The following CCDC181 variants were observed in gnomAD, a reference collection of about 807,000 sequenced individuals.
The protein encoded by CCDC181 is coiled-coil domain containing 181.
In CCDC181, 35 loss-of-function variants were observed where a neutral mutation model predicts 58.7. The observed-to-expected ratio is 0.60, with a 90% confidence interval of 0.46 to 0.79. The LOEUF (loss-of-function observed/expected upper bound fraction) is 0.79, where lower values mean the gene tolerates loss of function less well. CCDC181 is among the 30% of genes least tolerant of loss of function. CCDC181 has a pLI of 0.00. For synonymous variants in CCDC181, 183 were observed against 197.5 expected (o/e 0.93, Z 0.62); for missense variants, 517 against 583.9 (o/e 0.89, Z 1.18).
intron 2 of CCDC181, among the ~76,000 whole-genome samples, chr1:169,455,403 C>T (rs1657655264): frequency 6.6e-6 from 1 of 151,822 alleles, no homozygotes; most frequent in Non-Finnish European, 1.5e-5. Context: ...TATATCAGGC[C>T]CTAGTAATTT....
At position 169,424,883 on chromosome 1, in the gene CCDC181, G is replaced by A. The variant is rs199771563; in HGVS notation, c.45C>T (p.Tyr15=). 1.2e-4 allele frequency: 196 copies of A among 1,604,850 alleles called. 1 individual carries two copies. The East Asian group carries it at 2.1e-3, about 17-fold the overall frequency. ...KDTDSKKSEE[Y]EDDFEKDLEW... ...CCAGGTCCTTTTCAAAGTCATCTTC[G>A]TATTCTTCACTTTTCTTTGAATCAG... is the stretch of plus-strand genomic sequence containing the variant. The change falls in exon 2 of 6, where the codon TAC becomes TAT. Residue 15 remains tyrosine, a synonymous_variant. Coordinates refer to ENST00000367806, the MANE Select transcript of CCDC181 (RefSeq NM_001300969.2).
chr1:169,400,529 A>C (rs577441194), intron 4 of CCDC181, among the ~76,000 whole-genome samples: 30 of 152,306 alleles, frequency 2.0e-4, no homozygotes, highest in African/African-American at 7.2e-4. Context: ...ATCGATCCTA[A>C]GATGACATAG....
chr1:169,458,169 A>AT (rs1397141241), intron 2 of CCDC181, among the ~76,000 whole-genome samples: 377 of 109,620 alleles, frequency 3.4e-3, no homozygotes, highest in Middle Eastern at 9.6e-3. Flanking sequence ...GGCAAAAGTA[A>AT]TTTTTGTTTT....
At chr1:169,407,190 T>G (rs1365793184) in intron 4 of CCDC181, among the ~76,000 whole-genome samples, 1 of 151,942 alleles carries the variant, frequency 6.6e-6, no homozygotes, top group Admixed American at 6.6e-5. Flanking sequence ...ATCACACATG[T>G]AATACACTTC....
intron 2 of CCDC181, among the ~76,000 whole-genome samples, chr1:169,456,426 TATTA>T (rs67415566): frequency 0.42 from 64,112 of 151,512 alleles, 14,727 homozygotes; most frequent in Non-Finnish European, 0.53. Context: ...AAATAATCAT[TATTA>T]ATTAGTAAAG....
At chr1:169,423,553 A>G (rs907013452) in intron 2 of CCDC181, among the ~76,000 whole-genome samples, 1 of 151,992 alleles carries the variant, frequency 6.6e-6, no homozygotes, top group Non-Finnish European at 1.5e-5. Flanking sequence ...TGTTATAATC[A>G]TCCGCTGGAA....
At chr1:169,412,463 T>G (rs965245076) in intron 4 of CCDC181, among the ~76,000 whole-genome samples, 1 of 152,084 alleles carries the variant, frequency 6.6e-6, no homozygotes, top group Non-Finnish European at 1.5e-5. Flanking sequence ...AGTAATTTAC[T>G]GATTCAATGC....
chr1:169,439,574 C>CA (rs1657153100), intron 2 of CCDC181, among the ~76,000 whole-genome samples: 1 of 152,112 alleles, frequency 6.6e-6, no homozygotes, highest in Non-Finnish European at 1.5e-5. Context: ...TCTCAGGACT[C>CA]ACAGTAGCAT....
chr1:169,431,145 G>A (rs555411685), upstream of CCDC181, among the ~76,000 whole-genome samples: 1 of 152,268 alleles, frequency 6.6e-6, no homozygotes, highest in South Asian at 2.1e-4. Context: ...ACTGACTCCA[G>A]ACCCTATTCT....
intron 2 of CCDC181, among the ~76,000 whole-genome samples, chr1:169,459,168 A>G (rs1442407868): frequency 2.6e-5 from 4 of 152,216 alleles, no homozygotes; most frequent in Non-Finnish European, 2.9e-5. Flanking sequence ...TGGAACCAGA[A>G]TATTTGCCAA....
At chr1:169,458,413 T>C (rs1177358951) in intron 2 of CCDC181, among the ~76,000 whole-genome samples, 1 of 152,134 alleles carries the variant, frequency 6.6e-6, no homozygotes, top group Non-Finnish European at 1.5e-5. Flanking sequence ...ATTTCTGTTT[T>C]TTTAAATGTT....
intron 4 of CCDC181, among the ~76,000 whole-genome samples, chr1:169,403,048 G>C (rs539575861): frequency 6.7e-6 from 1 of 149,784 alleles, no homozygotes; most frequent in South Asian, 2.1e-4. Flanking sequence ...AACCAACAAA[G>C]ATCAAAAGAT....
intron 2 of CCDC181, among the ~76,000 whole-genome samples, chr1:169,436,320 C>G (rs537652290): frequency 7.2e-5 from 11 of 152,272 alleles, no homozygotes; most frequent in African/African-American, 2.6e-4. Context: ...GTTCACAGAT[C>G]AGGATTGTGT....
intron 4 of CCDC181, among the ~76,000 whole-genome samples, chr1:169,412,531 G>A (rs1210107561): frequency 6.6e-6 from 1 of 152,008 alleles, no homozygotes; most frequent in African/African-American, 2.4e-5. Flanking sequence ...CTTCTTTAAA[G>A]TTCATATGGA....
At chr1:169,441,934 T>A (rs1046243187) in intron 2 of CCDC181, among the ~76,000 whole-genome samples, 2 of 152,056 alleles carry the variant, frequency 1.3e-5, no homozygotes, top group Admixed American at 1.3e-4. Context: ...ATCCCGGAAA[T>A]AGATAATACT....
intron 4 of CCDC181, among the ~76,000 whole-genome samples, chr1:169,406,408 C>A (rs1655659046): frequency 6.6e-6 from 1 of 152,152 alleles, no homozygotes; most frequent in South Asian, 2.1e-4. Flanking sequence ...AAACGTCCAA[C>A]AATGATAGAC....
chr1:169,423,041 T>C (rs938139660), intron 2 of CCDC181, among the ~76,000 whole-genome samples: 5 of 138,370 alleles, frequency 3.6e-5, no homozygotes, highest in African/African-American at 5.2e-5. Context: ...ATAGATATAA[T>C]ATATAAATGT....
intron 4 of CCDC181, among the ~76,000 whole-genome samples, chr1:169,405,815 A>T (rs1183082021): frequency 6.6e-6 from 1 of 152,206 alleles, no homozygotes; most frequent in East Asian, 1.9e-4. Flanking sequence ...GGATCTAATT[A>T]AAATAAAGAG....
At chr1:169,434,473 AT>A (rs1657002682) in intron 2 of CCDC181, among the ~76,000 whole-genome samples, 1 of 152,026 alleles carries the variant, frequency 6.6e-6, no homozygotes, top group African/African-American at 2.4e-5. Context: ...TGAAAAAAAT[AT>A]TTGTACAGTC....
Sources: gnomAD v4.1 joint callset for allele counts (sites outside exome capture counted in the v4.1 genomes callset) on GRCh38, gnomAD v4.1.1 for gene constraint, MANE v1.5 for transcripts, NCBI Gene and HGNC (gene_info 2026-07-23, HGNC 2026-07-21) for gene names.